Variants in ZBTB7C observed in about 807,000 individuals in gnomAD.
The protein encoded by ZBTB7C is zinc finger and BTB domain containing 7C, also known as zinc finger and BTB domain-containing protein 7C.
A neutral mutation model predicts 25.7 loss-of-function variants in ZBTB7C; 8 were observed. The ratio of observed to expected loss-of-function variants is 0.31; its 90% CI spans 0.18 to 0.56. The LOEUF (loss-of-function observed/expected upper bound fraction) is 0.56. ZBTB7C is among the 20% of genes least tolerant of loss of function. ZBTB7C has a pLI of 0.91. For synonymous variants in ZBTB7C, 394 were observed against 369.0 expected (o/e 1.07, Z -0.78); for missense variants, 824 against 855.2 (o/e 0.96, Z 0.46).
chr18:48,055,863 AG>A (rs1256167868), intron 3 of ZBTB7C, among the ~76,000 whole-genome samples: 1 of 152,154 alleles, frequency 6.6e-6, no homozygotes, highest in Non-Finnish European at 1.5e-5. Flanking sequence ...AATATTCTCA[AG>A]GCAGGAGAAT....
chr18:48,269,862 G>C (rs2144564339), intron 2 of ZBTB7C, among the ~76,000 whole-genome samples: 1 of 152,266 alleles, frequency 6.6e-6, no homozygotes, highest in East Asian at 1.9e-4. Context: ...AGTCCACACT[G>C]GAGGTTCATT....
chr18:48,168,000 C>G (rs1292417282), intron 3 of ZBTB7C, among the ~76,000 whole-genome samples: 1 of 152,138 alleles, frequency 6.6e-6, no homozygotes, highest in East Asian at 1.9e-4. Context: ...GGGGAAAGGA[C>G]TATCAAAAGG....
intron 1 of ZBTB7C, among the ~76,000 whole-genome samples, chr18:48,345,666 G>A (rs1364086247): frequency 6.6e-6 from 1 of 151,582 alleles, no homozygotes; most frequent in Non-Finnish European, 1.5e-5. Context: ...GTCCCCCAGT[G>A]TCCCAACAAG....
intron 1 of ZBTB7C, among the ~76,000 whole-genome samples, chr18:48,385,347 C>A (rs1034611703): frequency 6.6e-6 from 1 of 152,180 alleles, no homozygotes; most frequent in East Asian, 1.9e-4. Flanking sequence ...TCCTGCAGTG[C>A]GTGGCCATTA....
intron 2 of ZBTB7C, among the ~76,000 whole-genome samples, chr18:48,190,687 T>C (rs901108737): frequency 2.6e-5 from 4 of 152,196 alleles, no homozygotes; most frequent in African/African-American, 9.6e-5. Flanking sequence ...AAACAGCGAC[T>C]GTGGGCTTCA....
chr18:48,051,310 G>C (rs2036677467), intron 3 of ZBTB7C, among the ~76,000 whole-genome samples: 1 of 152,206 alleles, frequency 6.6e-6, no homozygotes. Context: ...TCACACCTGG[G>C]CTTTGGGGAT....
At chr18:48,102,299 C>T (rs375492607) in intron 3 of ZBTB7C, among the ~76,000 whole-genome samples, 7 of 152,136 alleles carry the variant, frequency 4.6e-5, no homozygotes, top group South Asian at 2.1e-4. Context: ...TGCAGTGGCT[C>T]GCAGCTGTAG....
rs987159304 is a variant in ZBTB7C, at chr18:48,264,402, T to C, written c.-79+73772A>G. On this transcript the variant is annotated intron_variant, in intron 2 of 4. Coordinates refer to ENST00000590800, the MANE Select transcript of ZBTB7C (RefSeq NM_001318841.2). The stretch of plus-strand genomic sequence containing the variant: ...CTCCCCACAGCTGGCTCTGTGTCAC[T>C]GCACATCCTCACAGATGCAGCTAGG... 1.1e-4 allele frequency among the ~76,000 whole-genome samples: 16 copies of C among 152,082 alleles called. 1 individual carries two copies. The highest frequency in any genetic ancestry group is 3.9e-4 in the African/African-American group (16 of 41,414).
Position 48,041,137 on chromosome 18 carries a change from C to A in ZBTB7C, c.-16-14G>T. 6.4e-7 allele frequency: 1 copy of A among 1,566,228 alleles called. No individual in the cohort carries two copies. Among genetic ancestry groups the A allele is most frequent in the Non-Finnish European group, 8.7e-7 (1 of 1,154,614 alleles). ...TCAGCCAGAGCCCTGCAGAGACACA[C>A]AGAGAAGAAGACTGGGTTAGTGAGC... On this transcript the variant is annotated splice_polypyrimidine_tract_variant and intron_variant, in intron 3 of 4. Coordinates refer to ENST00000590800, the MANE Select transcript of ZBTB7C (RefSeq NM_001318841.2).
chr18:48,063,382 A>T (rs2037198957), intron 3 of ZBTB7C, among the ~76,000 whole-genome samples: 1 of 152,192 alleles, frequency 6.6e-6, no homozygotes, highest in South Asian at 2.1e-4. Context: ...GTCACCAGGG[A>T]TTGCTTAACC....
intron 3 of ZBTB7C, among the ~76,000 whole-genome samples, chr18:48,086,529 C>T (rs547393077): frequency 6.6e-6 from 1 of 152,326 alleles, no homozygotes; most frequent in South Asian, 2.1e-4. Flanking sequence ...TCTCTGTTGC[C>T]TGGAATGCCT....
Position 48,063,514 on chromosome 18 carries a change from G to A in ZBTB7C, c.-16-22391C>T, listed in dbSNP as rs1414408085. On this transcript the variant is annotated intron_variant, in intron 3 of 4. Coordinates refer to ENST00000590800, the MANE Select transcript of ZBTB7C (RefSeq NM_001318841.2). ...ATAACAGAACTGGGAAGAAAGGCAGGAGGGGAAGTTAATGAGATTTAAACA... is the reference window on the plus strand; with the variant it reads ...ATAACAGAACTGGGAAGAAAGGCAGAAGGGGAAGTTAATGAGATTTAAACA... 3.9e-5 allele frequency among the ~76,000 whole-genome samples: 6 copies of A among 152,246 alleles called. No individual in the cohort carries two copies. The East Asian group carries it at 9.6e-4, about 24-fold the overall frequency.
At chr18:48,109,240 G>A (rs2039145988) in intron 3 of ZBTB7C, among the ~76,000 whole-genome samples, 1 of 152,172 alleles carries the variant, frequency 6.6e-6, no homozygotes, top group Non-Finnish European at 1.5e-5. Flanking sequence ...TGCAGACCCT[G>A]AGTGGAAAGA....
At chr18:48,330,113 G>A (rs2046310401) in intron 2 of ZBTB7C, among the ~76,000 whole-genome samples, 2 of 152,182 alleles carry the variant, frequency 1.3e-5, no homozygotes, top group Admixed American at 6.5e-5. Flanking sequence ...CAAAATATCA[G>A]TACTGGCAAT....
intron 2 of ZBTB7C, among the ~76,000 whole-genome samples, chr18:48,237,388 G>C (rs1315309175): frequency 1.3e-5 from 2 of 152,086 alleles, no homozygotes; most frequent in Admixed American, 6.5e-5. Flanking sequence ...GTACAAATGT[G>C]GGGAGCTGAG....
intron 3 of ZBTB7C, among the ~76,000 whole-genome samples, chr18:48,136,114 G>C (rs1167585583): frequency 6.6e-6 from 1 of 152,158 alleles, no homozygotes; most frequent in Non-Finnish European, 1.5e-5. Context: ...CTGGGTTAGG[G>C]GGAAGCTCTC....
At chr18:48,247,939 C>T (rs1282723641) in intron 2 of ZBTB7C, among the ~76,000 whole-genome samples, 1 of 152,190 alleles carries the variant, frequency 6.6e-6, no homozygotes, top group African/African-American at 2.4e-5. Context: ...GTGTCAACGG[C>T]GGGGCCAGGT....
intron 1 of ZBTB7C, among the ~76,000 whole-genome samples, chr18:48,404,554 C>CT (rs1327433383): frequency 1.3e-5 from 2 of 152,132 alleles, no homozygotes; most frequent in African/African-American, 2.4e-5. Flanking sequence ...CCATAACAGC[C>CT]TATAGAGGAC....
At chr18:48,237,909 A>G (rs1410992610) in intron 2 of ZBTB7C, among the ~76,000 whole-genome samples, 1 of 152,262 alleles carries the variant, frequency 6.6e-6, no homozygotes, top group Non-Finnish European at 1.5e-5. Flanking sequence ...GGAATATAGT[A>G]ATAAAAATGA....
Sources: allele counts gnomAD v4.1 joint callset (sites outside exome capture counted in the v4.1 genomes callset), GRCh38; gene constraint gnomAD v4.1.1; transcripts MANE v1.5; gene names NCBI Gene and HGNC (gene_info 2026-07-23, HGNC 2026-07-21).